Variants in RARB observed in about 807,000 individuals in gnomAD.
RARB encodes retinoic acid receptor beta, also known as HBV-activated protein.
Under a neutral mutation model 51.9 loss-of-function variants are expected in RARB, and 17 were observed. That is an observed-to-expected ratio of 0.33 (90% CI 0.22 to 0.49). The LOEUF is 0.49. Ranked by LOEUF, RARB falls within the 20% of genes least tolerant of loss-of-function variation. The pLI is 0.99. For synonymous variants in RARB, 215 were observed against 195.4 expected, an observed-to-expected ratio of 1.10 and a Z score of -0.84; for missense variants, 369 against 550.8, an observed-to-expected ratio of 0.67 and a Z score of 3.30.
chr3:24,896,656 CTTAAAAATA>C (rs1703485828), intron 2 of RARB, among the ~76,000 whole-genome samples: 1 of 152,066 alleles, frequency 6.6e-6, no homozygotes, highest in African/African-American at 2.4e-5. Flanking sequence ...GAACTGTATG[CTTAAAAATA>C]TTAAATTTTG....
intron 5 of RARB, among the ~76,000 whole-genome samples, chr3:25,310,022 T>C (rs75215193): frequency 0.031 from 4,769 of 152,336 alleles, 108 homozygotes; most frequent in Non-Finnish European, 0.044. Context: ...CATGGTAGTA[T>C]TGTCCTTGCT....
At chr3:25,363,597 T>C (rs1214064437) in intron 5 of RARB, among the ~76,000 whole-genome samples, 2 of 152,174 alleles carry the variant, frequency 1.3e-5, no homozygotes, top group African/African-American at 2.4e-5. Flanking sequence ...TACAATCTAA[T>C]GACTTCTCCA....
intron 5 of RARB, among the ~76,000 whole-genome samples, chr3:25,216,302 G>A (rs1302857308): frequency 6.6e-6 from 1 of 151,936 alleles, no homozygotes; most frequent in Non-Finnish European, 1.5e-5. Context: ...TCAGCCAAAT[G>A]TATATCCATA....
In RARB at chr3:25,569,684, G is replaced by A; in HGVS notation, c.449-74G>A. On this transcript the variant is annotated intron_variant, in intron 3 of 7. Coordinates refer to ENST00000330688, the MANE Select transcript of RARB (RefSeq NM_000965.5). ...AAATGAGCTTAAGGCAGCCTTGGGA[G>A]GTGGAACCTCCCAGCTCAGGAGCAC... The A allele has an allele frequency of 6.0e-6, 9 of 1,506,010 alleles. No individual in the cohort carries two copies. In the South Asian group the frequency reaches 1.2e-4, roughly 20 times the overall value. 93.3% of individuals were successfully genotyped at this position (1,506,010 alleles called of 1,614,324 possible). A position where few individuals can be genotyped will look rare whatever the true frequency, so the allele number is the denominator to read the frequency against.
chr3:25,345,002 T>A (rs1204483929), intron 5 of RARB, among the ~76,000 whole-genome samples: 1 of 152,230 alleles, frequency 6.6e-6, no homozygotes, highest in Non-Finnish European at 1.5e-5. Flanking sequence ...TTTCTCTTTA[T>A]GCTTGTTTTT....
At chr3:25,456,700 G>C (rs1329654029) in intron 1 of RARB, among the ~76,000 whole-genome samples, 1 of 147,606 alleles carries the variant, frequency 6.8e-6, no homozygotes, top group African/African-American at 2.5e-5. Flanking sequence ...GAGAGAGAGA[G>C]AGAGAGAGAG....
intron 5 of RARB, among the ~76,000 whole-genome samples, chr3:25,335,318 A>C (rs1042273016): frequency 6.6e-6 from 1 of 152,242 alleles, no homozygotes; most frequent in Non-Finnish European, 1.5e-5. Flanking sequence ...CTAGAAGGCC[A>C]TCCTAAGTGC....
chr3:25,297,720 C>T (rs80074360), intron 5 of RARB, among the ~76,000 whole-genome samples: 5,737 of 151,766 alleles, frequency 0.038, 148 homozygotes, highest in Middle Eastern at 0.068. Flanking sequence ...CCATTTTTTC[C>T]CCTCATTCCC....
At chr3:25,361,394 A>C (rs1450561709) in intron 5 of RARB, among the ~76,000 whole-genome samples, 1 of 152,152 alleles carries the variant, frequency 6.6e-6, no homozygotes, top group South Asian at 2.1e-4. Flanking sequence ...CTTTTATCAA[A>C]GTTCTTAGCT....
At chr3:25,454,440 G>A (rs142546809) in intron 1 of RARB, among the ~76,000 whole-genome samples, 1 of 152,294 alleles carries the variant, frequency 6.6e-6, no homozygotes, top group African/African-American at 2.4e-5. Flanking sequence ...ACTGGGATTC[G>A]GAGCTCTGGG....
chr3:24,934,881 A>T (rs1320242645), intron 2 of RARB, among the ~76,000 whole-genome samples: 1 of 152,126 alleles, frequency 6.6e-6, no homozygotes, highest in Non-Finnish European at 1.5e-5. Flanking sequence ...GCAAAAAGCA[A>T]ATTGGTACAT....
chr3:25,013,391 G>A (rs752589231), intron 2 of RARB, among the ~76,000 whole-genome samples: 1 of 152,012 alleles, frequency 6.6e-6, no homozygotes, highest in Admixed American at 6.6e-5. Flanking sequence ...AAATGTACTT[G>A]GTTTCACTGA....
rs4533613 is a variant in RARB, at chr3:25,202,178, A to C, written c.178+27603A>C. 2.2e-4 allele frequency among the ~76,000 whole-genome samples: 33 copies of C among 152,064 alleles called. 1 individual carries two copies. Among genetic ancestry groups the C allele is most frequent in the East Asian group, 1.5e-3 (8 of 5,166 alleles). On this transcript the variant is annotated intron_variant, in intron 5 of 11. Coordinates refer to the RARB transcript ENST00000383772. ...TTAGTCTTGGGAGGGTGTATGTGTC[A>C]AGGAATTTATCCATTTCTTCTAGAT...
chr3:25,180,376 A>T (rs1700837632), intron 5 of RARB, among the ~76,000 whole-genome samples: 1 of 152,220 alleles, frequency 6.6e-6, no homozygotes, highest in South Asian at 2.1e-4. Flanking sequence ...TGAACTTTGG[A>T]AAAGTTAGAA....
At chr3:24,951,751 G>A (rs56099058) in intron 2 of RARB, among the ~76,000 whole-genome samples, 12,914 of 152,206 alleles carry the variant, frequency 0.085, 1,338 homozygotes, top group African/African-American at 0.24. Flanking sequence ...CAAGATGCGA[G>A]AGGAGAGATG....
chr3:25,464,295 T>C (rs986485510), intron 2 of RARB, among the ~76,000 whole-genome samples: 1 of 152,210 alleles, frequency 6.6e-6, no homozygotes, highest in African/African-American at 2.4e-5. Flanking sequence ...AATCAGCTCA[T>C]AGTCAGTGAG....
At position 24,908,352 on chromosome 3, in the gene RARB, A is replaced by G. The variant is rs1450673251; in HGVS notation, c.-380+49600A>G. On this transcript the variant is annotated intron_variant, in intron 2 of 11. Transcript: ENST00000383772. ...GCCTATTTTTTAAAAAATATGTACC[A>G]GTAGAATCTACACTAGAAGAAGAGA... Among the ~76,000 whole-genome samples the G allele has an allele frequency of 2.6e-5, 4 of 152,144 alleles. 1 individual carries two copies. The South Asian group carries it at 6.2e-4, about 24-fold the overall frequency.
intron 5 of RARB, among the ~76,000 whole-genome samples, chr3:25,175,700 G>A (rs922783611): frequency 5.3e-5 from 8 of 152,166 alleles, no homozygotes; most frequent in African/African-American, 1.9e-4. Flanking sequence ...GATGTTGATT[G>A]CAATCATAGT....
chr3:25,189,578 C>T (rs978968525), intron 5 of RARB, among the ~76,000 whole-genome samples: 1 of 151,970 alleles, frequency 6.6e-6, no homozygotes, highest in African/African-American at 2.4e-5. Flanking sequence ...AAGCTTAGAC[C>T]CTGGAGTCAG....
Sources: gnomAD v4.1 joint callset for allele counts (sites outside exome capture counted in the v4.1 genomes callset) on GRCh38, gnomAD v4.1.1 for gene constraint, MANE v1.5 for transcripts, NCBI Gene and HGNC (gene_info 2026-07-23, HGNC 2026-07-21) for gene names.